PRKN: variants seen among roughly 807,000 people sequenced by gnomAD.
The protein encoded by PRKN is E3 ubiquitin-protein ligase parkin.
A neutral mutation model predicts 59.5 loss-of-function variants in PRKN; 56 were observed. The ratio of observed to expected loss-of-function variants is 0.94; its 90% CI spans 0.76 to 1.18. The LOEUF is 1.18. PRKN is among the 50% of genes most tolerant of loss of function. The pLI is 0.00. For synonymous variants in PRKN, 250 were observed against 222.1 expected (o/e 1.13, Z -1.12); for missense variants, 657 against 596.4 (o/e 1.10, Z -1.06).
chr6:162,114,153 C>G (rs1458760731), intron 4 of PRKN, among the ~76,000 whole-genome samples: 7 of 152,004 alleles, frequency 4.6e-5, no homozygotes, highest in Admixed American at 1.3e-4. Context: ...TAGCGTGATG[C>G]CTCCAGCTTT....
At chr6:162,259,652 A>G (rs1779801597) in intron 3 of PRKN, among the ~76,000 whole-genome samples, 1 of 152,246 alleles carries the variant, frequency 6.6e-6, no homozygotes, top group Non-Finnish European at 1.5e-5. Context: ...ATGAACCAAG[A>G]CATTTGAAGA....
rs1456899728 is a variant in PRKN at position 161,566,628 on chromosome 6, G to A, written c.933+2727C>T. ...CGCCATGTTGGTCAGGCTGGTCTCA[G>A]ACTCCTGACCTCAGGTGATCCATTC... On this transcript the variant is annotated intron_variant, in intron 8 of 11. Coordinates refer to ENST00000366898, the MANE Select transcript of PRKN (RefSeq NM_004562.3). This position sits in a 1 kb window ranked among gnomAD's most constrained non-coding sequence, Gnocchi z 4.1. 6.6e-6 allele frequency among the ~76,000 whole-genome samples: 1 copy of A among 152,080 alleles called. No individual in the cohort carries two copies. Among genetic ancestry groups the A allele is most frequent in the East Asian group, 1.9e-4 (1 of 5,166 alleles).
intron 4 of PRKN, among the ~76,000 whole-genome samples, chr6:162,110,683 A>G (rs1315208059): frequency 6.6e-6 from 1 of 152,176 alleles, no homozygotes; most frequent in East Asian, 1.9e-4. Context: ...CATAAGAAAA[A>G]GGCAACCTTG....
intron 2 of PRKN, among the ~76,000 whole-genome samples, chr6:162,350,847 G>C (rs941698494): frequency 7.2e-5 from 11 of 152,026 alleles, no homozygotes; most frequent in African/African-American, 2.4e-4. Context: ...AAGACTTTCT[G>C]CTTGTGAAAT....
intron 9 of PRKN, among the ~76,000 whole-genome samples, chr6:161,394,608 C>T (rs187333304): frequency 6.6e-6 from 1 of 152,290 alleles, no homozygotes; most frequent in East Asian, 1.9e-4. Context: ...CGTAACCATC[C>T]CATCTTTCAG....
chr6:162,613,264 A>G (rs991485503), intron 1 of PRKN, among the ~76,000 whole-genome samples: 3 of 152,226 alleles, frequency 2.0e-5, no homozygotes, highest in Admixed American at 6.5e-5. Context: ...GAGAGAATGA[A>G]TAACAGCAGC....
chr6:162,136,224 A>G (rs1277463452), intron 4 of PRKN, among the ~76,000 whole-genome samples: 1 of 151,982 alleles, frequency 6.6e-6, no homozygotes, highest in Non-Finnish European at 1.5e-5. Context: ...ATATACATGC[A>G]TATCTCACAC....
rs546203535 is a variant in PRKN at position 161,560,992 on chromosome 6, G to A, written c.933+8363C>T. Among the ~76,000 whole-genome samples, 236 of 152,274 alleles carry A rather than the reference G, an allele frequency of 1.5e-3. 2 individuals are homozygous for A. The highest frequency in any genetic ancestry group is 3.4e-3 in the Middle Eastern group (1 of 294). On this transcript the variant is annotated intron_variant, in intron 8 of 11. Transcript: ENST00000366898. This position sits in a 1 kb window ranked among gnomAD's most constrained non-coding sequence, Gnocchi z 4.9. ...CCTTCCCTGGGCGTGTAGCCCTGCA[G>A]CTGGACACAATGGCACGATGACTTT... is the stretch of plus-strand genomic sequence containing the variant.
At chr6:161,968,247 A>G (rs1780660281) in intron 6 of PRKN, among the ~76,000 whole-genome samples, 1 of 138,432 alleles carries the variant, frequency 7.2e-6, no homozygotes, top group Non-Finnish European at 1.5e-5. Flanking sequence ...CATGTTGGCC[A>G]TGGCTGCTCT....
intron 3 of PRKN, among the ~76,000 whole-genome samples, chr6:162,246,450 T>C (rs1779198502): frequency 6.6e-6 from 1 of 152,040 alleles, no homozygotes; most frequent in Non-Finnish European, 1.5e-5. Flanking sequence ...AAATAAATAA[T>C]GACATATACA....
intron 2 of PRKN, among the ~76,000 whole-genome samples, chr6:162,366,660 C>T (rs1002110001): frequency 2.6e-5 from 4 of 152,052 alleles, no homozygotes; most frequent in African/African-American, 9.7e-5. Flanking sequence ...AATCCCAGCA[C>T]TTTGGGAGGC....
At chr6:162,159,185 A>T (rs1026209432) in intron 4 of PRKN, among the ~76,000 whole-genome samples, 9 of 152,126 alleles carry the variant, frequency 5.9e-5, no homozygotes, top group Non-Finnish European at 7.4e-5. Context: ...CGATCTTCTT[A>T]TCGTAAATAC....
At chr6:162,681,460 C>T (rs1027631267) in intron 1 of PRKN, among the ~76,000 whole-genome samples, 1 of 152,232 alleles carries the variant, frequency 6.6e-6, no homozygotes, top group South Asian at 2.1e-4. Flanking sequence ...CTTTCCACAC[C>T]TAAGTAACAA....
intron 7 of PRKN, among the ~76,000 whole-genome samples, chr6:161,704,784 A>C (rs1490037888): frequency 6.6e-6 from 1 of 152,088 alleles, no homozygotes; most frequent in East Asian, 1.9e-4. Context: ...CCCATCACCC[A>C]GGGCTCAAAC....
At position 161,527,309 on chromosome 6, in the gene PRKN, G is replaced by T. The variant is rs1251629215; in HGVS notation, c.1083+21545C>A. Among the ~76,000 whole-genome samples the T allele has an allele frequency of 3.9e-5, 6 of 152,128 alleles. No homozygotes were observed. Among genetic ancestry groups the T allele is most frequent in the Non-Finnish European group, 7.3e-5 (5 of 68,030 alleles). ...TCTGGTCTCCTACCATCATATTTTG[G>T]GGTGAAGTGTCTTGAGCCCCAACGG... is the stretch of plus-strand genomic sequence containing the variant. On this transcript the variant is annotated intron_variant, in intron 9 of 11. Coordinates refer to ENST00000366898, the MANE Select transcript of PRKN (RefSeq NM_004562.3). This position sits in a 1 kb window ranked among gnomAD's most constrained non-coding sequence, Gnocchi z 4.6.
At chr6:161,649,602 A>G (rs889699267) in intron 7 of PRKN, among the ~76,000 whole-genome samples, 1 of 152,232 alleles carries the variant, frequency 6.6e-6, no homozygotes, top group African/African-American at 2.4e-5. Context: ...AAAGGACATA[A>G]GAGACTTTTG....
intron 3 of PRKN, among the ~76,000 whole-genome samples, chr6:162,237,426 T>G (rs1011853477): frequency 2.0e-5 from 3 of 152,196 alleles, no homozygotes; most frequent in Admixed American, 6.5e-5. Flanking sequence ...CTTCATATTA[T>G]TGAAAGTTTC....
Position 161,550,563 on chromosome 6 carries a change from T to C in PRKN, c.934-1560A>G, listed in dbSNP as rs1779965977. On this transcript the variant is annotated intron_variant, in intron 8 of 11. Coordinates refer to ENST00000366898, the MANE Select transcript of PRKN (RefSeq NM_004562.3). The surrounding 1 kb of genome is among the most constrained non-coding windows in gnomAD (Gnocchi z 4.0). ...GGAGGTAGGATGAGTGTTTGAATTC[T>C]GGGTATAAATTAAAGGGAGAAGTTG... is the stretch of plus-strand genomic sequence containing the variant. 6.6e-6 allele frequency among the ~76,000 whole-genome samples: 1 copy of C among 152,168 alleles called. No individual in the cohort carries two copies. Among genetic ancestry groups the C allele is most frequent in the African/African-American group, 2.4e-5 (1 of 41,426 alleles).
chr6:162,373,306 T>G (rs1785871066), intron 2 of PRKN, among the ~76,000 whole-genome samples: 1 of 152,322 alleles, frequency 6.6e-6, no homozygotes, highest in Middle Eastern at 3.4e-3. Flanking sequence ...AGTTTACAAC[T>G]TATTGGTCAA....
Sources: allele counts gnomAD v4.1 joint callset (sites outside exome capture counted in the v4.1 genomes callset), GRCh38; gene constraint gnomAD v4.1.1; non-coding constraint Gnocchi (gnomAD v3.1); transcripts MANE v1.5; gene names NCBI Gene and HGNC (gene_info 2026-07-23, HGNC 2026-07-21).